LHX1: variants seen among roughly 807,000 people sequenced by gnomAD.
The protein encoded by LHX1 is LIM/homeobox protein Lhx1.
Under a neutral mutation model 34.1 loss-of-function variants are expected in LHX1, and 9 were observed. That is an observed-to-expected ratio of 0.26 (90% CI 0.16 to 0.46). The LOEUF (loss-of-function observed/expected upper bound fraction) is 0.46, where lower values mean the gene tolerates loss of function less well. Among genes scored for constraint, LHX1 ranks in the 20% least tolerant of loss-of-function variants. The probability of loss-of-function intolerance (pLI) is 1.00; values close to 1 mark genes in which losing one functional copy is unlikely to be tolerated. For synonymous variants in LHX1, 254 were observed against 241.5 expected (o/e 1.05, Z -0.48); for missense variants, 446 against 559.1 (o/e 0.80, Z 2.04).
chr17:36,943,469 C>A lies in LHX1; in HGVS notation c.*338C>A. On this transcript the variant is annotated 3_prime_UTR_variant, in exon 5 of 5. Coordinates refer to ENST00000614239, the MANE Select transcript of LHX1 (RefSeq NM_005568.5). ...TGGCAGGCGGGCGGCGAAAAGACGT[C>A]CAGGGCAGCCGCGGGTGCGCACAGC... 1 of 272,222 alleles carries A rather than the reference C, an allele frequency of 3.7e-6. No homozygotes were observed. Among genetic ancestry groups the A allele is most frequent in the Non-Finnish European group, 6.9e-6 (1 of 145,810 alleles). 16.9% of individuals were successfully genotyped at this position (272,222 alleles called of 1,614,324 possible). A position where few individuals can be genotyped will look rare whatever the true frequency, so the allele number is the denominator to read the frequency against.
intron 3 of LHX1, 91 bp from the exon 4 acceptor site, chr17:36,942,109 C>T (rs2070768738): frequency 1.5e-6 from 2 of 1,375,446 alleles, no homozygotes; most frequent in East Asian, 2.5e-5. Context: ...TGTCGGCTAG[C>T]CAGGCGGTGA....
At chr17:36,942,724 G>C in intron 4 of LHX1, 28 bp from the exon 5 acceptor site, 1 of 1,470,012 alleles carries the variant, frequency 6.8e-7, no homozygotes, top group Non-Finnish European at 9.0e-7. Flanking sequence ...GGGCCCTGAC[G>C]TCCTGCGCCC....
intron 3 of LHX1, 79 bp downstream of exon 3, chr17:36,940,966 C>G: frequency 6.5e-7 from 1 of 1,534,128 alleles, no homozygotes; most frequent in Non-Finnish European, 8.7e-7. Flanking sequence ...CAGGAGAGCC[C>G]AGAATCCAGA....
chr17:36,941,812 T>G (rs1222328806), intron 3 of LHX1, among the ~76,000 whole-genome samples: 1 of 152,074 alleles, frequency 6.6e-6, no homozygotes, highest in Non-Finnish European at 1.5e-5. Flanking sequence ...GGGGGGAGGG[T>G]TGCTGCAAGA....
chr17:36,938,636 C>A, intron 1 of LHX1: 1 of 571,652 alleles, frequency 1.7e-6, no homozygotes. Flanking sequence ...CCAGAAGCCC[C>A]TTCAAGCTTG....
In LHX1 at chr17:36,937,725, T is replaced by C. The variant is rs1431566519; in HGVS notation, c.-473T>C. On this transcript the variant is annotated 5_prime_UTR_variant, in exon 1 of 5. Coordinates refer to ENST00000614239, the MANE Select transcript of LHX1 (RefSeq NM_005568.5). ...ATACCCCGACAAAAGCAGATGCACT[T>C]TGACTTCTGACAGCTCTACCTCAAG... is the stretch of plus-strand genomic sequence containing the variant. 1.8e-5 allele frequency: 8 copies of C among 447,194 alleles called. No individual in the cohort carries two copies. Among genetic ancestry groups the C allele is most frequent in the South Asian group, 1.3e-4 (8 of 63,634 alleles). 27.7% of individuals were successfully genotyped at this position (447,194 alleles called of 1,614,324 possible). A position where few individuals can be genotyped will look rare whatever the true frequency, so the allele number is the denominator to read the frequency against.
rs77511066 is a variant in LHX1 at position 36,940,750 on chromosome 17, C to A, written c.538C>A (p.Arg180=). 6.2e-7 allele frequency: 1 copy of A among 1,613,632 alleles called. No homozygotes were observed. Among genetic ancestry groups the A allele is most frequent in the Non-Finnish European group, 8.5e-7 (1 of 1,180,046 alleles). Residue 180 remains arginine (R), a synonymous_variant, in exon 3 of 5, where the codon CGG becomes AGG. Transcript: ENST00000614239. ...TGACGACCAGAACCTGGGCGCCAAG[C>A]GGCGGGGACCGCGCACCACCATCAA... ...ENDDQNLGAK[R]RGPRTTIKAK...
chr17:36,944,313 G>C lies in LHX1; in HGVS notation c.*1182G>C, dbSNP rs1035444804. ...ACAAGATTTAAAAAAAAACATCTTTGCTAATTTTTTTGTCCTGTTGAACAT... is the reference window on the plus strand; with the variant it reads ...ACAAGATTTAAAAAAAAACATCTTTCCTAATTTTTTTGTCCTGTTGAACAT... On this transcript the variant is annotated 3_prime_UTR_variant, in exon 5 of 5. Coordinates refer to ENST00000614239, the MANE Select transcript of LHX1 (RefSeq NM_005568.5). 1.3e-5 allele frequency: 2 copies of C among 149,260 alleles called. No homozygotes were observed. Among genetic ancestry groups the C allele is most frequent in the African/African-American group, 4.9e-5 (2 of 40,646 alleles). 9.2% of individuals were successfully genotyped at this position (149,260 alleles called of 1,614,324 possible).
chr17:36,939,728 C>A (rs1018149526), intron 1 of LHX1, among the ~76,000 whole-genome samples: 6 of 152,230 alleles, frequency 3.9e-5, no homozygotes, highest in African/African-American at 1.4e-4. Context: ...GGCGGCCCCG[C>A]TAAGGCTACG....
chr17:36,940,498 G>A lies in LHX1; in HGVS notation c.379G>A (p.Glu127Lys), dbSNP rs774876174. 6.2e-7 allele frequency: 1 copy of A among 1,613,992 alleles called. No homozygotes were observed. The highest frequency in any genetic ancestry group is 8.5e-7 in the Non-Finnish European group (1 of 1,180,026). ...DYLSNSSVAKENSLHSATTGS... is the reference protein window; with the variant it reads ...DYLSNSSVAKKNSLHSATTGS... ...CCTAAGTAACAGCAGTGTTGCCAAA[G>A]AGAACAGCCTTCACTCGGGTGAGGC... The change falls in exon 2 of 5, where the codon GAG (glutamate) becomes AAG (lysine). Residue 127 changes from glutamate to lysine, a missense_variant. Glu to Lys is a moderately conservative substitution (Grantham distance 56). This residue lies in a region of LHX1 where 168 missense variants were observed against 226.6 expected (regional missense o/e 0.74). Transcript: ENST00000614239.
intron 1 of LHX1, chr17:36,938,771 C>G (rs1040527516): frequency 8.4e-6 from 3 of 357,266 alleles, no homozygotes; most frequent in African/African-American, 4.2e-5. Context: ...CCCAGGCTCC[C>G]TCCCGGCCAC....
In LHX1 at chr17:36,944,254, G is replaced by A. The variant is rs1382279339; in HGVS notation, c.*1123G>A. On this transcript the variant is annotated 3_prime_UTR_variant, in exon 5 of 5. Transcript: ENST00000614239. ...TAAAGGTGCCTGGCACCAGCAACCTGAGAAAGTGTTAAAAAAAAAAAAAAA... is the reference window on the plus strand; with the variant it reads ...TAAAGGTGCCTGGCACCAGCAACCTAAGAAAGTGTTAAAAAAAAAAAAAAA... 7.5e-6 allele frequency: 1 copy of A among 133,012 alleles called. No individual in the cohort carries two copies. Among genetic ancestry groups the A allele is most frequent in the African/African-American group, 3.1e-5 (1 of 32,202 alleles). The allele number at this position is 133,012 out of a possible 1,614,324, so 8.2% of individuals were successfully genotyped here.
At chr17:36,942,513 A>G in intron 4 of LHX1, 148 bp downstream of exon 4, 1 of 954,078 alleles carries the variant, frequency 1.0e-6, no homozygotes, top group Non-Finnish European at 1.5e-6. Flanking sequence ...AATCAAGGGG[A>G]GGCGGCGAGA....
intron 3 of LHX1, 136 bp downstream of exon 3, chr17:36,941,023 C>G: frequency 7.4e-7 from 1 of 1,347,254 alleles, no homozygotes; most frequent in Non-Finnish European, 1.0e-6. Context: ...AGACACATCC[C>G]GAGCCTGCGG....
Position 36,937,959 on chromosome 17 carries a change from C to T in LHX1, c.-239C>T. On this transcript the variant is annotated 5_prime_UTR_variant, in exon 1 of 5. Coordinates refer to ENST00000614239, the MANE Select transcript of LHX1 (RefSeq NM_005568.5). The stretch of plus-strand genomic sequence containing the variant: ...GGAGCTCAGGCGGCGCCGCTCCAGC[C>T]CGGGGCCCCGGGACTCCCCGGCTGC... 2 of 602,218 alleles carry T rather than the reference C, an allele frequency of 3.3e-6. No individual in the cohort carries two copies. Among genetic ancestry groups the T allele is most frequent in the Admixed American group, 2.8e-5 (1 of 35,366 alleles). 37.3% of individuals were successfully genotyped at this position (602,218 alleles called of 1,614,324 possible).
Position 36,942,186 on chromosome 17 carries a change from GC to G in LHX1, c.676-12del, listed in dbSNP as rs1372168631. 3.2e-6 allele frequency: 5 copies of G among 1,565,358 alleles called. No individual in the cohort carries two copies. In the African/African-American group the frequency reaches 6.9e-5, roughly 22 times the overall value. ...GGAGTCTCGGTGGCCTCACCCCGCC[GC>G]CATGTGCTGCAGGTCTGGTTCCAGA... On this transcript the variant is annotated splice_polypyrimidine_tract_variant and intron_variant, in intron 3 of 4. Transcript: ENST00000614239.
chr17:36,938,605 A>G, intron 1 of LHX1: 2 of 619,280 alleles, frequency 3.2e-6, no homozygotes, highest in South Asian at 3.7e-5. Flanking sequence ...CTGGGAAGAA[A>G]GGGTCTGAGC....
rs982575542 is a variant in LHX1 at position 36,937,534 on chromosome 17, T to A, written c.-664T>A. The A allele has an allele frequency of 4.9e-5, 15 of 307,900 alleles. No individual in the cohort carries two copies. Among genetic ancestry groups the A allele is most frequent in the Non-Finnish European group, 7.6e-5 (12 of 156,958 alleles). 19.1% of individuals were successfully genotyped at this position (307,900 alleles called of 1,614,324 possible). A position where few individuals can be genotyped will look rare whatever the true frequency, so the allele number is the denominator to read the frequency against. ...TCTCCCGCGGTCGGCCCTCGCCCCC[T>A]CCCCCAGGCCCAGCGCGGGCGCTCG... On this transcript the variant is annotated 5_prime_UTR_variant, in exon 1 of 5. Coordinates refer to ENST00000614239, the MANE Select transcript of LHX1 (RefSeq NM_005568.5).
intron 4 of LHX1, 68 bp from the exon 5 acceptor site, chr17:36,942,684 C>G: frequency 7.1e-7 from 1 of 1,415,144 alleles, no homozygotes; most frequent in Non-Finnish European, 9.3e-7. Context: ...TCGCGTCTTC[C>G]CTCCCTTTCG....
Sources: gnomAD v4.1 joint callset for allele counts (sites outside exome capture counted in the v4.1 genomes callset) on GRCh38, gnomAD v4.1.1 for gene constraint, gnomAD v4.1.1 regional missense constraint, MANE v1.5 for transcripts, NCBI Gene and HGNC (gene_info 2026-07-23, HGNC 2026-07-21) for gene names.